The following ASPH variants were observed in gnomAD, a reference collection of about 807,000 sequenced individuals.
ASPH encodes the protein aspartate beta-hydroxylase, also known as aspartyl/asparaginyl beta-hydroxylase.
A neutral mutation model predicts 118.4 loss-of-function variants in ASPH; 100 were observed. The ratio of observed to expected loss-of-function variants is 0.84; its 90% CI spans 0.72 to 1.00. The LOEUF (loss-of-function observed/expected upper bound fraction) is 1.00. ASPH is among the 50% of genes least tolerant of loss of function. The pLI is 0.00. For synonymous variants in ASPH, 315 were observed against 325.6 expected, an observed-to-expected ratio of 0.97 and a Z score of 0.35; for missense variants, 920 against 919.5, an observed-to-expected ratio of 1.00 and a Z score of -0.01.
chr8:61,649,500 T>A (rs1054527879), intron 5 of ASPH, among the ~76,000 whole-genome samples: 6 of 152,102 alleles, frequency 3.9e-5, no homozygotes, highest in Non-Finnish European at 7.3e-5. Flanking sequence ...CAGCTATATA[T>A]TTAAAAGTTA....
At chr8:61,642,455 C>T (rs1020274824) in intron 10 of ASPH, among the ~76,000 whole-genome samples, 4 of 152,352 alleles carry the variant, frequency 2.6e-5, no homozygotes, top group Middle Eastern at 3.4e-3. Context: ...ATTCTTTGAA[C>T]GCTACCGTTC....
rs192887397 is a variant in ASPH, at chr8:61,520,335, T to A, written c.1901-2212A>T. Among the ~76,000 whole-genome samples, 63 of 152,298 alleles carry A rather than the reference T, an allele frequency of 4.1e-4. No individual in the cohort carries two copies. The East Asian group carries it at 8.3e-3, about 20-fold the overall frequency. ...TTTTAAAAGTCAGAGACATTTTAAT[T>A]CCCTATTCAAGATTCCTAAAAGAGA... On this transcript the variant is annotated intron_variant, in intron 22 of 24. Coordinates refer to ENST00000379454, the MANE Select transcript of ASPH (RefSeq NM_004318.4).
intron 3 of ASPH, among the ~76,000 whole-genome samples, chr8:61,667,470 G>T (rs147963891): frequency 6.6e-6 from 1 of 152,062 alleles, no homozygotes; most frequent in Non-Finnish European, 1.5e-5. Context: ...GGGTTCAAGC[G>T]ATTCTTCTGC....
intron 14 of ASPH, among the ~76,000 whole-genome samples, chr8:61,598,308 G>T (rs974170133): frequency 7.9e-5 from 12 of 151,968 alleles, no homozygotes; most frequent in Non-Finnish European, 1.8e-4. Flanking sequence ...TAGAAAGACA[G>T]AAAAAGATAT....
rs184107210 is a variant in ASPH at position 61,709,076 on chromosome 8, A to C, written c.103+5193T>G. Among the ~76,000 whole-genome samples, 460 of 152,216 alleles carry C rather than the reference A, an allele frequency of 3.0e-3. 1 individual carries two copies. Among genetic ancestry groups the C allele is most frequent in the Non-Finnish European group, 5.3e-3 (363 of 68,010 alleles). On this transcript the variant is annotated intron_variant, in intron 1 of 24. Coordinates refer to ENST00000379454, the MANE Select transcript of ASPH (RefSeq NM_004318.4). ...CCAAGGGAGCTCAACATTTCCTTTG[A>C]GTCTAATAGGTTATCTAAACCAAAT...
At chr8:61,536,077 T>A (rs1456924608) in intron 21 of ASPH, among the ~76,000 whole-genome samples, 1 of 148,892 alleles carries the variant, frequency 6.7e-6, no homozygotes, top group East Asian at 2.0e-4. Context: ...TCTCACTCTG[T>A]CACCCAGGCT....
chr8:61,549,438 C>G (rs1444912378), intron 20 of ASPH, among the ~76,000 whole-genome samples: 1 of 152,150 alleles, frequency 6.6e-6, no homozygotes, highest in African/African-American at 2.4e-5. Context: ...TACTCTCCTC[C>G]TATTTATATC....
At position 61,609,052 on chromosome 8, in the gene ASPH, A is replaced by C. The variant is rs548947781; in HGVS notation, c.976+9926T>G. Among the ~76,000 whole-genome samples the C allele has an allele frequency of 1.5e-3, 232 of 152,268 alleles. 1 individual carries two copies. The highest frequency in any genetic ancestry group is 6.2e-3 in the South Asian group (30 of 4,816). ...CATTAGCTTCAGGTGCTCTAGATGG[A>C]GGGCGAGGAGGAAAGGGGAAGTTAG... is the stretch of plus-strand genomic sequence containing the variant. On this transcript the variant is annotated intron_variant, in intron 14 of 24. Transcript: ENST00000379454.
intron 18 of ASPH, among the ~76,000 whole-genome samples, chr8:61,561,038 G>A (rs1346110535): frequency 6.9e-6 from 1 of 143,898 alleles, no homozygotes; most frequent in Non-Finnish European, 1.5e-5. Flanking sequence ...GAGGAGTAAG[G>A]GAAGGAAGGG....
chr8:61,623,625 G>A (rs1009715578), intron 13 of ASPH: 2 of 152,154 alleles, frequency 1.3e-5, no homozygotes, highest in Non-Finnish European at 2.9e-5. Context: ...CTAGACCAAA[G>A]TCCTGGACAA....
At chr8:61,615,961 A>G (rs1349343385) in intron 14 of ASPH, among the ~76,000 whole-genome samples, 1 of 152,222 alleles carries the variant, frequency 6.6e-6, no homozygotes, top group African/African-American at 2.4e-5. Flanking sequence ...TAAAAAATAC[A>G]TGGAATTTCC....
intron 3 of ASPH, chr8:61,661,605 A>G (rs1029722868): frequency 5.0e-6 from 1 of 200,674 alleles, no homozygotes; most frequent in Non-Finnish European, 1.0e-5. Context: ...CACCAGATCC[A>G]TTTCATGGAC....
chr8:61,620,548 C>T (rs1850562518), intron 13 of ASPH, among the ~76,000 whole-genome samples: 1 of 151,652 alleles, frequency 6.6e-6, no homozygotes, highest in African/African-American at 2.4e-5. Context: ...ATCTCTTTAA[C>T]TATAGCCTCC....
chr8:61,707,695 TGGCTAAATGAAAA>T (rs1837036283), intron 1 of ASPH, among the ~76,000 whole-genome samples: 2 of 152,132 alleles, frequency 1.3e-5, no homozygotes, highest in Non-Finnish European at 2.9e-5. Context: ...TGCGATAGGA[TGGCTAAATGAAAA>T]GCAAGGCATA....
chr8:61,683,964 T>C, intron 2 of ASPH, 75 bp downstream of exon 2: 1 of 1,505,820 alleles, frequency 6.6e-7, no homozygotes, highest in African/African-American at 1.4e-5. Context: ...AGAAAGATGA[T>C]AACAAATATT....
intron 21 of ASPH, among the ~76,000 whole-genome samples, chr8:61,528,075 C>T (rs1046127387): frequency 2.6e-5 from 4 of 152,188 alleles, no homozygotes; most frequent in Non-Finnish European, 5.9e-5. Context: ...ACATCTACAC[C>T]TGCTACTACC....
At position 61,502,357 on chromosome 8, in the gene ASPH, A is replaced by C. The variant is rs1805082775; in HGVS notation, c.*1002T>G. Reference sequence around the variant, plus strand: ...ATCTTTCTACAGAATTGTAGCAGAAATCATCTCCAAGACTGAAGAGCTGGC... The same window carrying C: ...ATCTTTCTACAGAATTGTAGCAGAACTCATCTCCAAGACTGAAGAGCTGGC... On this transcript the variant is annotated 3_prime_UTR_variant, in exon 25 of 25. Transcript: ENST00000379454. 6.6e-6 allele frequency: 1 copy of C among 152,170 alleles called. No individual in the cohort carries two copies. Among genetic ancestry groups the C allele is most frequent in the South Asian group, 2.1e-4 (1 of 4,824 alleles). 9.4% of individuals were successfully genotyped at this position (152,170 alleles called of 1,614,324 possible). A position where few individuals can be genotyped will look rare whatever the true frequency, so the allele number is the denominator to read the frequency against.
At chr8:61,643,323 AC>A in intron 9 of ASPH, 62 bp downstream of exon 9, 1 of 1,500,984 alleles carries the variant, frequency 6.7e-7, no homozygotes. Context: ...CCATGTAAAC[AC>A]AGCATGTGAT....
intron 5 of ASPH, among the ~76,000 whole-genome samples, chr8:61,648,967 T>C (rs189852007): frequency 6.6e-6 from 1 of 152,146 alleles, no homozygotes; most frequent in East Asian, 1.9e-4. Context: ...GCTAAAGCAG[T>C]GATAGGCTTG....
Sources: allele counts gnomAD v4.1 joint callset (sites outside exome capture counted in the v4.1 genomes callset), GRCh38; gene constraint gnomAD v4.1.1; transcripts MANE v1.5; gene names NCBI Gene and HGNC (gene_info 2026-07-23, HGNC 2026-07-21).